PMFBP1: variants seen among roughly 807,000 people sequenced by gnomAD.
PMFBP1 encodes the protein polyamine modulated factor 1 binding protein 1, also known as polyamine-modulated factor 1-binding protein 1.
PMFBP1 carries 131 observed loss-of-function variants against 137.8 expected under a neutral mutation model. The ratio of observed to expected loss-of-function variants is 0.95; its 90% confidence interval spans 0.82 to 1.10. PMFBP1 has a LOEUF of 1.10. Among genes scored for constraint, PMFBP1 ranks in the 50% least tolerant of loss-of-function variants. The pLI, the probability that PMFBP1 is intolerant of heterozygous loss-of-function variation, is 0.00. For missense variants in PMFBP1, 1,199 were observed against 1,175.4 expected (o/e 1.02, Z -0.29); for synonymous variants, 490 against 450.4 (o/e 1.09, Z -1.11).
At chr16:72,185,678 C>T in the PMFBP1 span, among the ~76,000 whole-genome samples, 1 of 152,078 alleles carries the variant, frequency 6.6e-6, no homozygotes, top group African/African-American at 2.4e-5. Context: ...CTCCATAGAT[C>T]AAGGGATTGT....
intron 2 of PMFBP1, among the ~76,000 whole-genome samples, chr16:72,166,280 G>A (rs114924553): frequency 2.0e-5 from 3 of 152,062 alleles, no homozygotes; most frequent in Middle Eastern, 3.2e-3. Flanking sequence ...GAGTTCTTAC[G>A]AGATCTGATA....
At chr16:72,237,356 G>C in the PMFBP1 span, among the ~76,000 whole-genome samples, 2 of 152,056 alleles carry the variant, frequency 1.3e-5, no homozygotes, top group African/African-American at 4.8e-5. Flanking sequence ...GAAAGGCACT[G>C]AAAAAAATGC....
In PMFBP1 at chr16:72,124,911, T is replaced by C. The variant is rs774978979; in HGVS notation, c.2445A>G (p.Leu815=). The change falls in exon 17 of 21, where the codon CTA becomes CTG. Residue 815 remains leucine (L), a synonymous_variant. Transcript: ENST00000237353. Reference sequence around the variant, plus strand: ...GCAGCACCTGGCAGCTCATCTCCTCTAGCTTCTTGTCAAAGGCGTGCACCT... The same window carrying C: ...GCAGCACCTGGCAGCTCATCTCCTCCAGCTTCTTGTCAAAGGCGTGCACCT... ...ELEVHAFDKK[L]EEMSCQVLQW... 2 of 1,613,900 alleles carry C rather than the reference T, an allele frequency of 1.2e-6. No individual in the cohort carries two copies. Among genetic ancestry groups the C allele is most frequent in the Non-Finnish European group, 1.7e-6 (2 of 1,179,926 alleles).
chr16:72,215,804 T>A, the PMFBP1 span, among the ~76,000 whole-genome samples: 2 of 152,192 alleles, frequency 1.3e-5, no homozygotes, highest in African/African-American at 4.8e-5. Context: ...TTGGTGAAAC[T>A]ACAATACTAG....
At chr16:72,233,278 G>A in the PMFBP1 span, among the ~76,000 whole-genome samples, 40 of 152,090 alleles carry the variant, frequency 2.6e-4, no homozygotes, top group Non-Finnish European at 4.4e-4. Context: ...AAGTAAAATC[G>A]AGTCTTTAAG....
intron 16 of PMFBP1, 130 bp from the exon 17 acceptor site, chr16:72,125,064 G>A (rs944777132): frequency 1.5e-6 from 2 of 1,378,902 alleles, no homozygotes; most frequent in Middle Eastern, 2.0e-4. Flanking sequence ...GTGGCCAGCA[G>A]AGGGCACCCA....
At chr16:72,221,271 G>A in the PMFBP1 span, among the ~76,000 whole-genome samples, 12 of 152,116 alleles carry the variant, frequency 7.9e-5, no homozygotes, top group Admixed American at 6.5e-4. Flanking sequence ...ATTAACACCC[G>A]CCTCCAACAT....
At chr16:72,230,156 T>G in the PMFBP1 span, among the ~76,000 whole-genome samples, 2 of 152,304 alleles carry the variant, frequency 1.3e-5, no homozygotes, top group Admixed American at 1.3e-4. Flanking sequence ...TACTGACTGG[T>G]AAGGAGGAGA....
intron 4 of PMFBP1, among the ~76,000 whole-genome samples, chr16:72,151,616 G>A (rs1170674340): frequency 1.3e-5 from 2 of 152,186 alleles, no homozygotes; most frequent in Non-Finnish European, 2.9e-5. Context: ...GTAGAATGCT[G>A]ATAGAACATG....
the PMFBP1 span, among the ~76,000 whole-genome samples, chr16:72,223,278 T>C: frequency 2.0e-5 from 3 of 152,264 alleles, no homozygotes; most frequent in East Asian, 3.8e-4. Flanking sequence ...ATTAGTGAAC[T>C]GGCATTACTA....
At chr16:72,187,590 G>A in the PMFBP1 span, among the ~76,000 whole-genome samples, 1 of 152,182 alleles carries the variant, frequency 6.6e-6, no homozygotes, top group Admixed American at 6.5e-5. Flanking sequence ...TCCTATAGCG[G>A]TTCTTCAGTG....
chr16:72,118,464 T>C (rs974660232), downstream of PMFBP1, among the ~76,000 whole-genome samples: 2 of 152,226 alleles, frequency 1.3e-5, no homozygotes, highest in African/African-American at 4.8e-5. Context: ...AGGAAGAATA[T>C]TGAAGAATCA....
At position 72,119,977 on chromosome 16, in the gene PMFBP1, C is replaced by T; in HGVS notation, c.2881G>A (p.Gly961Ser). 6.2e-7 allele frequency: 1 copy of T among 1,614,124 alleles called. No individual in the cohort carries two copies. Among genetic ancestry groups the T allele is most frequent in the Non-Finnish European group, 8.5e-7 (1 of 1,180,026 alleles). The change falls in exon 20 of 21, where the codon GGC becomes AGC. Residue 961 changes from glycine to serine, a missense_variant. Gly to Ser is a moderately conservative substitution (Grantham distance 56, BLOSUM62 0). Coordinates refer to ENST00000237353, the MANE Select transcript of PMFBP1 (RefSeq NM_031293.3). ...TGTGTGGACTCCGTTCTGCTCGGGC[C>T]TAGGGCTTTGGTGCATAGCCTTGTG... is the stretch of plus-strand genomic sequence containing the variant. The part of the protein sequence containing the change: ...ENTRLCTKAL[G>S]PSRTESTQRE...
chr16:72,193,659 A>T, the PMFBP1 span, among the ~76,000 whole-genome samples: 1 of 151,832 alleles, frequency 6.6e-6, no homozygotes, highest in African/African-American at 2.4e-5. Context: ...ATTGATACCT[A>T]CTATGAAGAA....
At chr16:72,211,996 C>CA in the PMFBP1 span, among the ~76,000 whole-genome samples, 25 of 151,182 alleles carry the variant, frequency 1.7e-4, no homozygotes, top group African/African-American at 3.9e-4. Context: ...GACCTTGTAT[C>CA]AAAAAATTTT....
the PMFBP1 span, among the ~76,000 whole-genome samples, chr16:72,242,405 T>C: frequency 6.6e-6 from 1 of 152,238 alleles, no homozygotes; most frequent in East Asian, 1.9e-4. Flanking sequence ...CTTAGTTCTC[T>C]TTATTCTAAG....
intron 15 of PMFBP1, 70 bp downstream of exon 15, chr16:72,125,898 G>A: frequency 2.6e-6 from 4 of 1,553,600 alleles, no homozygotes; most frequent in Non-Finnish European, 3.5e-6. Flanking sequence ...ATTGGCTCCT[G>A]TGCTTCTCCC....
chr16:72,213,205 G>GC, the PMFBP1 span, among the ~76,000 whole-genome samples: 1 of 150,262 alleles, frequency 6.7e-6, no homozygotes, highest in African/African-American at 2.4e-5. Flanking sequence ...CCCGGGGGGG[G>GC]GTGGGGAAAG....
At chr16:72,138,092 G>C (rs2042660754) in intron 7 of PMFBP1, among the ~76,000 whole-genome samples, 2 of 152,168 alleles carry the variant, frequency 1.3e-5, no homozygotes, top group East Asian at 1.9e-4. Context: ...GGGGAAGTTT[G>C]TATCACTAAA....
Sources: gnomAD v4.1 joint callset for allele counts (sites outside exome capture counted in the v4.1 genomes callset) on GRCh38, gnomAD v4.1.1 for gene constraint, MANE v1.5 for transcripts, NCBI Gene and HGNC (gene_info 2026-07-23, HGNC 2026-07-21) for gene names.